BRCA2: variants seen among roughly 807,000 people sequenced by gnomAD.
BRCA2 encodes the protein breast cancer type 2 susceptibility protein.
In BRCA2, 203 loss-of-function variants were observed where a neutral mutation model predicts 276.7. That is an observed-to-expected ratio of 0.73 (90% CI 0.65 to 0.82). The LOEUF (loss-of-function observed/expected upper bound fraction) is 0.82. Ranked by LOEUF, BRCA2 falls within the 40% of genes least tolerant of loss-of-function variation. The pLI, the probability that BRCA2 is intolerant of heterozygous loss-of-function variation, is 0.00. For synonymous variants in BRCA2, 1,289 were observed against 1,338.4 expected (o/e 0.96, Z 0.81); for missense variants, 3,920 against 3,915.0 (o/e 1.00, Z -0.03).
rs80359251 is a variant in BRCA2, at chr13:32,398,438, G to A, written c.9925G>A (p.Glu3309Lys). The A allele has an allele frequency of 4.5e-5, 72 of 1,614,014 alleles. No individual in the cohort carries two copies. In the African/African-American group the frequency reaches 7.7e-4, roughly 17 times the overall value. Reference protein sequence around the residue: ...QPPRSCGTKYETPIKKKELNS... With the variant: ...QPPRSCGTKYKTPIKKKELNS... ...ACCAAGGAGTTGTGGCACCAAATAC[G>A]AAACACCCATAAAGAAAAAAGAACT... Residue 3309 changes from glutamate to lysine, a missense_variant, in exon 27 of 27, where the codon GAA becomes AAA. By Grantham distance (56) the Glu-to-Lys change is moderately conservative. Transcript: ENST00000380152.
intron 3 of BRCA2, among the ~76,000 whole-genome samples, chr13:32,321,507 A>G (rs1191461705): frequency 1.3e-5 from 2 of 152,222 alleles, no homozygotes; most frequent in Non-Finnish European, 2.9e-5. Flanking sequence ...CAAATGGTTA[A>G]TTCTTTAATC....
chr13:32,328,502 T>G (rs548969186), intron 7 of BRCA2, among the ~76,000 whole-genome samples: 18 of 152,100 alleles, frequency 1.2e-4, no homozygotes, highest in Non-Finnish European at 2.1e-4. Context: ...TCAGCCACAT[T>G]TTTTTTGTCT....
At position 32,398,603 on chromosome 13, in the gene BRCA2, T is replaced by C; in HGVS notation, c.10090T>C (p.Ser3364Pro). 8 of 1,613,904 alleles carry C rather than the reference T, an allele frequency of 5.0e-6. No individual in the cohort carries two copies. The highest frequency in any genetic ancestry group is 6.8e-6 in the Non-Finnish European group (8 of 1,179,774). The change falls in exon 27 of 27, where the codon TCT becomes CCT. Residue 3364 changes from serine (S) to proline (P), a missense_variant. This residue lies in a region of BRCA2 where 657 missense variants were observed against 758.2 expected (regional missense o/e 0.87). Transcript: ENST00000380152. The stretch of plus-strand genomic sequence containing the variant: ...TTCAACAGGAGAAAAACAATTTATA[T>C]CTGTCAGTGAATCCACTAGGACTGC... ...SGSTGEKQFI[S>P]VSESTRTAPT... is the part of the protein sequence containing the mutation.
intron 19 of BRCA2, 69 bp from the exon 20 acceptor site, chr13:32,370,887 C>G (rs2137599296): frequency 6.3e-7 from 1 of 1,591,402 alleles, no homozygotes; most frequent in Non-Finnish European, 8.6e-7. Flanking sequence ...GCCACTGTGC[C>G]TGGCCTGATA....
intron 24 of BRCA2, among the ~76,000 whole-genome samples, chr13:32,387,093 G>A (rs1374430261): frequency 6.6e-6 from 1 of 152,088 alleles, no homozygotes; most frequent in African/African-American, 2.4e-5. Flanking sequence ...ACATGTCTGT[G>A]TCTAAATTTC....
At chr13:32,334,102 A>G (rs1011343397) in intron 10 of BRCA2, among the ~76,000 whole-genome samples, 7 of 152,202 alleles carry the variant, frequency 4.6e-5, no homozygotes, top group Non-Finnish European at 8.8e-5. Flanking sequence ...TATCTTTATA[A>G]TACAATGATT....
At position 32,398,708 on chromosome 13, in the gene BRCA2, G is replaced by A. The variant is rs1057521734; in HGVS notation, c.10195G>A (p.Ala3399Thr). 1 of 1,613,934 alleles carries A rather than the reference G, an allele frequency of 6.2e-7. No individual in the cohort carries two copies. The highest frequency in any genetic ancestry group is 1.3e-5 in the African/African-American group (1 of 74,900). Reference protein sequence around the residue: ...SLIKEQESSQASTEECEKNKQ... With the variant: ...SLIKEQESSQTSTEECEKNKQ... ...GATCAAAGAACAGGAGAGTTCCCAGGCCAGTACGGAAGAATGTGAGAAAAA... is the reference window on the plus strand; with the variant it reads ...GATCAAAGAACAGGAGAGTTCCCAGACCAGTACGGAAGAATGTGAGAAAAA... The change falls in exon 27 of 27, where the codon GCC (alanine) becomes ACC (threonine). Residue 3399 changes from alanine to threonine, a missense_variant. By Grantham distance (58) the Ala-to-Thr change is moderately conservative. Around this residue, in one of 2 missense-constraint regions of BRCA2, gnomAD observed 657 missense variants for 758.2 expected, o/e 0.87. Transcript: ENST00000380152.
At chr13:32,370,270 C>A in intron 18 of BRCA2, 132 bp from the exon 19 acceptor site, 1 of 823,082 alleles carries the variant, frequency 1.2e-6, no homozygotes, top group Non-Finnish European at 1.9e-6. Context: ...TACTGTCTTA[C>A]TAATCTTCCT....
chr13:32,396,673 A>G (rs990112391), intron 25 of BRCA2: 2 of 562,516 alleles, frequency 3.6e-6, no homozygotes, highest in Non-Finnish European at 6.3e-6. Flanking sequence ...TCAGATACAC[A>G]TACTTTTTCT....
In BRCA2 at chr13:32,340,096, G is replaced by C. The variant is rs80358801; in HGVS notation, c.5741G>C (p.Ser1914Thr). The C allele has an allele frequency of 1.2e-5, 20 of 1,613,658 alleles. No individual in the cohort carries two copies. The African/African-American group carries it at 2.5e-4, about 20-fold the overall frequency. ...LHNSLDNDEC[S>T]THSHKVFADI... ...AACTCTCTAGATAATGATGAATGTAGCACGCATTCACATAAGGTTTTTGCT... is the reference window on the plus strand; with the variant it reads ...AACTCTCTAGATAATGATGAATGTACCACGCATTCACATAAGGTTTTTGCT... Residue 1914 changes from serine to threonine, a missense_variant, in exon 11 of 27, where the codon AGC (serine) becomes ACC (threonine). Ser to Thr is a moderately conservative substitution (Grantham distance 58, BLOSUM62 1). Transcript: ENST00000380152.
intron 21 of BRCA2, among the ~76,000 whole-genome samples, chr13:32,377,792 G>T (rs971528086): frequency 6.6e-6 from 1 of 152,072 alleles, no homozygotes; most frequent in African/African-American, 2.4e-5. Context: ...AGGGAGGAAG[G>T]AGCAAATATT....
intron 11 of BRCA2, among the ~76,000 whole-genome samples, chr13:32,342,742 A>T (rs1344381523): frequency 1.3e-5 from 2 of 152,220 alleles, no homozygotes; most frequent in Non-Finnish European, 2.9e-5. Context: ...TACAGTAAAA[A>T]TACGGTATTA....
At chr13:32,352,054 G>A (rs1414007550) in intron 13 of BRCA2, among the ~76,000 whole-genome samples, 1 of 152,072 alleles carries the variant, frequency 6.6e-6, no homozygotes, top group East Asian at 1.9e-4. Flanking sequence ...GCCCACCTTG[G>A]CCTCCCAAGG....
intron 24 of BRCA2, among the ~76,000 whole-genome samples, chr13:32,387,586 A>T (rs1408303620): frequency 6.6e-6 from 1 of 152,124 alleles, no homozygotes; most frequent in Non-Finnish European, 1.5e-5. Context: ...GGAAGCCTGG[A>T]TATTACGCAG....
At chr13:32,333,679 C>T (rs2072427902) in intron 10 of BRCA2, among the ~76,000 whole-genome samples, 2 of 152,060 alleles carry the variant, frequency 1.3e-5, no homozygotes, top group South Asian at 4.2e-4. Context: ...TAAACGTATG[C>T]CATGTTGGTT....
At chr13:32,365,380 A>T (rs560230705) in intron 18 of BRCA2, among the ~76,000 whole-genome samples, 1 of 151,300 alleles carries the variant, frequency 6.6e-6, no homozygotes, top group Non-Finnish European at 1.5e-5. Context: ...CTTTATTTTT[A>T]TTTATTTATT....
chr13:32,367,458 A>G (rs1418896290), intron 18 of BRCA2, among the ~76,000 whole-genome samples: 1 of 151,870 alleles, frequency 6.6e-6, no homozygotes, highest in African/African-American at 2.4e-5. Context: ...AAAGGATAAT[A>G]ACAGCAAAAA....
In BRCA2 at chr13:32,377,974, T is replaced by TA. The variant is rs151102928; in HGVS notation, c.8754+1184dup. 1.4e-4 allele frequency among the ~76,000 whole-genome samples: 22 copies of TA among 152,326 alleles called. No homozygotes were observed. The East Asian group carries it at 4.2e-3, about 29-fold the overall frequency. On this transcript the variant is annotated intron_variant, in intron 21 of 26. Coordinates refer to ENST00000380152, the MANE Select transcript of BRCA2 (RefSeq NM_000059.4). ...AGAATTCCCTCCTGTTCCGAAATGT[T>TA]ACAATTTGGGTTCTCCCTGTGAGAA...
In BRCA2 at chr13:32,356,550, C is replaced by T. The variant is rs80358981; in HGVS notation, c.7558C>T (p.Arg2520Ter). ...TCTTGCAAAAACATCCACTCTGCCT[C>T]GAATCTCTCTGAAAGCAGCAGTAGG... ...LYLAKTSTLP[R>*]ISLKAAVGGQ... Residue 2520 changes from arginine to a stop codon, truncating the protein, a stop_gained, in exon 15 of 27, where the codon CGA becomes TGA. Transcript: ENST00000380152. LOFTEE classifies it high-confidence loss of function. The T allele has an allele frequency of 7.4e-6, 12 of 1,614,094 alleles. No individual in the cohort carries two copies. The highest frequency in any genetic ancestry group is 5.3e-5 in the African/African-American group (4 of 74,932).
Sources: allele counts gnomAD v4.1 joint callset (sites outside exome capture counted in the v4.1 genomes callset), GRCh38; gene constraint gnomAD v4.1.1; regional missense constraint gnomAD v4.1.1; transcripts MANE v1.5; gene names NCBI Gene and HGNC (gene_info 2026-07-23, HGNC 2026-07-21).